Variants in GTF2F2 observed in about 807,000 individuals in gnomAD.
GTF2F2 encodes ATP-dependent helicase GTF2F2.
A neutral mutation model predicts 42.2 loss-of-function variants in GTF2F2; 23 were observed. That is an observed-to-expected ratio of 0.55 (90% CI 0.39 to 0.77). The LOEUF is 0.77. Ranked by LOEUF, GTF2F2 falls within the 30% of genes least tolerant of loss-of-function variation. The pLI, the probability that GTF2F2 is intolerant of heterozygous loss-of-function variation, is 0.00. For missense variants in GTF2F2, 261 were observed against 287.2 expected, an observed-to-expected ratio of 0.91 and a Z score of 0.66; for synonymous variants, 105 against 100.8, an observed-to-expected ratio of 1.04 and a Z score of -0.25.
chr13:45,217,871 G>A (rs982934563), intron 5 of GTF2F2, among the ~76,000 whole-genome samples: 3 of 152,184 alleles, frequency 2.0e-5, no homozygotes, highest in African/African-American at 4.8e-5. Context: ...AGCAATGTCT[G>A]TCTTTAGGTG....
chr13:45,213,931 CTG>C lies in GTF2F2; in HGVS notation c.386+6428_386+6429del, dbSNP rs137965023. Reference sequence around the variant, plus strand: ...ATATAAAAACATTTCATCAACAAATCTGTTTTTCAAAATATAAAGAAATGAAT... The same window carrying C: ...ATATAAAAACATTTCATCAACAAATCTTTTTCAAAATATAAAGAAATGAAT... On this transcript the variant is annotated intron_variant, in intron 5 of 7. Coordinates refer to ENST00000340473, the MANE Select transcript of GTF2F2 (RefSeq NM_004128.3). 6.6e-4 allele frequency among the ~76,000 whole-genome samples: 101 copies of C among 152,246 alleles called. 2 individuals are homozygous for C. In the East Asian group the frequency reaches 0.017, roughly 26 times the overall value.
intron 2 of GTF2F2, among the ~76,000 whole-genome samples, chr13:45,138,843 G>A (rs758427971): frequency 2.6e-5 from 4 of 152,026 alleles, no homozygotes; most frequent in Non-Finnish European, 5.9e-5. Context: ...ACGGGGTTTC[G>A]CCATGTTGGC....
chr13:45,260,746 G>A lies in GTF2F2; in HGVS notation c.487-6487G>A, dbSNP rs549318085. Reference sequence around the variant, plus strand: ...CATTTTAGTCAAGAATAGGCTGGGCGTGGTGGTTCACACCTGTAATCCCAG... The same window carrying A: ...CATTTTAGTCAAGAATAGGCTGGGCATGGTGGTTCACACCTGTAATCCCAG... On this transcript the variant is annotated intron_variant, in intron 6 of 7. Transcript: ENST00000340473. Among the ~76,000 whole-genome samples the A allele has an allele frequency of 4.6e-5, 7 of 152,318 alleles. No individual in the cohort carries two copies. The South Asian group carries it at 6.2e-4, about 14-fold the overall frequency.
rs117206304 is a variant in GTF2F2 at position 45,260,858 on chromosome 13, A to G, written c.487-6375A>G. On this transcript the variant is annotated intron_variant, in intron 6 of 7. Coordinates refer to ENST00000340473, the MANE Select transcript of GTF2F2 (RefSeq NM_004128.3). ...CAGCCTGGGCAGTATAGCCAGACCT[A>G]CCTCTTCAAAAAAATTTTAAAAATT... 3.3e-5 allele frequency among the ~76,000 whole-genome samples: 5 copies of G among 152,058 alleles called. No homozygotes were observed. The East Asian group carries it at 9.7e-4, about 29-fold the overall frequency.
chr13:45,268,585 C>G (rs998733361), intron 7 of GTF2F2, among the ~76,000 whole-genome samples: 40 of 152,018 alleles, frequency 2.6e-4, no homozygotes, highest in Admixed American at 2.4e-3. Context: ...AAACAGCATT[C>G]TAAGCTAGAT....
chr13:45,157,392 G>A lies in GTF2F2; in HGVS notation c.304+5561G>A, dbSNP rs112862018. 2.2e-3 allele frequency among the ~76,000 whole-genome samples: 330 copies of A among 152,310 alleles called. 3 individuals carry two copies. The highest frequency in any genetic ancestry group is 7.6e-3 in the African/African-American group (315 of 41,564). ...ACTTTTAGTGAAGTGGGAAGTCACT[G>A]GAGAGATTTAAGCAGAATAGTGATA... On this transcript the variant is annotated intron_variant, in intron 4 of 7. Coordinates refer to ENST00000340473, the MANE Select transcript of GTF2F2 (RefSeq NM_004128.3).
chr13:45,264,682 A>T (rs1876492355), intron 6 of GTF2F2, among the ~76,000 whole-genome samples: 1 of 152,122 alleles, frequency 6.6e-6, no homozygotes, highest in South Asian at 2.1e-4. Flanking sequence ...TTGATTTTAA[A>T]GTTCTTTTCT....
Position 45,203,999 on chromosome 13 carries a change from C to CT in GTF2F2, c.305-3417dup, listed in dbSNP as rs561926284. On this transcript the variant is annotated intron_variant, in intron 4 of 7. Transcript: ENST00000340473. The stretch of plus-strand genomic sequence containing the variant: ...ACCATTTCTATAATAATGCTAATGG[C>CT]TTTTTTTTATTTTTTCACTCTCATT... Among the ~76,000 whole-genome samples the CT allele has an allele frequency of 2.7e-3, 405 of 151,946 alleles. 4 individuals are homozygous for CT. Among genetic ancestry groups the CT allele is most frequent in the Middle Eastern group, 0.01 (3 of 294 alleles).
rs1869365440 is a variant in GTF2F2 at position 45,131,844 on chromosome 13, G to A, written c.67-4889G>A. On this transcript the variant is annotated intron_variant, in intron 1 of 7. Transcript: ENST00000340473. ...CGTTGGAGCCCAGGAAGTGGAGGTT[G>A]CAGTGAGCCAAAATTGTAAATCCAC... 4.2e-5 allele frequency among the ~76,000 whole-genome samples: 6 copies of A among 144,334 alleles called. No individual in the cohort carries two copies. In the Admixed American group the frequency reaches 4.3e-4, roughly 10 times the overall value. The allele number at this position is 144,334 out of a possible 152,430, so 94.7% of individuals were successfully genotyped here.
At chr13:45,276,210 C>A (rs542293784) in intron 7 of GTF2F2, among the ~76,000 whole-genome samples, 1 of 152,120 alleles carries the variant, frequency 6.6e-6, no homozygotes, top group African/African-American at 2.4e-5. Flanking sequence ...TACTTCATTT[C>A]TTTTTATTTG....
intron 1 of GTF2F2, among the ~76,000 whole-genome samples, chr13:45,128,116 A>G (rs1423595117): frequency 6.8e-6 from 1 of 146,710 alleles, no homozygotes; most frequent in Non-Finnish European, 1.5e-5. Context: ...GCCCGCCACC[A>G]TGCCCGGCTA....
chr13:45,138,218 C>G (rs1485752190), intron 2 of GTF2F2, among the ~76,000 whole-genome samples: 1 of 152,166 alleles, frequency 6.6e-6, no homozygotes, highest in African/African-American at 2.4e-5. Context: ...GTCCTTAGTT[C>G]TTTCCTTTTC....
intron 5 of GTF2F2, among the ~76,000 whole-genome samples, chr13:45,207,994 A>C (rs1291272987): frequency 6.6e-6 from 1 of 152,028 alleles, no homozygotes; most frequent in Non-Finnish European, 1.5e-5. Flanking sequence ...CTATCTCTAC[A>C]AAAAGATAGA....
At chr13:45,209,626 T>C (rs908986864) in intron 5 of GTF2F2, among the ~76,000 whole-genome samples, 3 of 152,184 alleles carry the variant, frequency 2.0e-5, no homozygotes, top group African/African-American at 7.2e-5. Context: ...TGTGTGGTTC[T>C]GTAAGCCTGG....
chr13:45,272,987 C>T (rs1013916907), intron 7 of GTF2F2, among the ~76,000 whole-genome samples: 2 of 129,572 alleles, frequency 1.5e-5, no homozygotes, highest in Admixed American at 8.7e-5. Context: ...AGTGCAGTGG[C>T]GCAATCTCGG....
chr13:45,275,134 ATG>A, intron 7 of GTF2F2, among the ~76,000 whole-genome samples: 1 of 152,100 alleles, frequency 6.6e-6, no homozygotes, highest in Non-Finnish European at 1.5e-5. Context: ...ATATATGGAT[ATG>A]TGATTTCTTA....
intron 2 of GTF2F2, among the ~76,000 whole-genome samples, chr13:45,140,232 A>C (rs1422008524): frequency 6.6e-6 from 1 of 151,964 alleles, no homozygotes; most frequent in Non-Finnish European, 1.5e-5. Flanking sequence ...TGTTACAGGC[A>C]TGAACCACCA....
At chr13:45,127,406 A>G (rs1391336555) in intron 1 of GTF2F2, among the ~76,000 whole-genome samples, 1 of 151,740 alleles carries the variant, frequency 6.6e-6, no homozygotes, top group Non-Finnish European at 1.5e-5. Flanking sequence ...GCTCACTGCA[A>G]CCTCTGCCTC....
intron 4 of GTF2F2, among the ~76,000 whole-genome samples, chr13:45,187,595 C>T (rs543875055): frequency 6.6e-6 from 1 of 152,278 alleles, no homozygotes; most frequent in East Asian, 1.9e-4. Context: ...TTTTCCTTTA[C>T]CGCCACTCCC....
Sources: gnomAD v4.1 joint callset for allele counts (sites outside exome capture counted in the v4.1 genomes callset) on GRCh38, gnomAD v4.1.1 for gene constraint, MANE v1.5 for transcripts, NCBI Gene and HGNC (gene_info 2026-07-23, HGNC 2026-07-21) for gene names.